Variants in COX10 observed in about 807,000 individuals in gnomAD.
The protein encoded by COX10 is cytochrome c oxidase assembly factor heme A:farnesyltransferase COX10.
COX10 carries 27 observed loss-of-function variants against 37.3 expected under a neutral mutation model. The observed-to-expected ratio is 0.72, with a 90% CI of 0.53 to 1.00. The LOEUF (loss-of-function observed/expected upper bound fraction) is 1.00. COX10 is among the 50% of genes least tolerant of loss of function. The pLI is 0.00. For synonymous variants in COX10, 222 were observed against 229.1 expected (o/e 0.97, Z 0.28); for missense variants, 475 against 563.2 (o/e 0.84, Z 1.59).
Position 14,207,114 on chromosome 17 carries a change from GTTC to G in COX10, c.1238_1240del (p.Phe413del), listed in dbSNP as rs1228955267. 7.4e-6 allele frequency: 12 copies of G among 1,613,306 alleles called. No individual in the cohort carries two copies. The highest frequency in any genetic ancestry group is 4.0e-5 in the African/African-American group (3 of 75,050). ...CAGACCGCAGGAGCTCGCGGAGACTGTTCTTCTGCAGCCTGTGGCACCTGCCGC... is the reference window on the plus strand; with the variant it reads ...CAGACCGCAGGAGCTCGCGGAGACTGTTCTGCAGCCTGTGGCACCTGCCGC... On this transcript the variant is annotated inframe_deletion, in exon 7 of 7. Transcript: ENST00000261643.
intron 4 of COX10, among the ~76,000 whole-genome samples, chr17:14,121,493 C>T (rs574228038): frequency 8.5e-5 from 13 of 152,226 alleles, no homozygotes; most frequent in Admixed American, 5.2e-4. Flanking sequence ...CTGTATACCA[C>T]GATGGCTAGG....
chr17:14,121,171 T>G (rs976928105), intron 4 of COX10, among the ~76,000 whole-genome samples: 1 of 152,224 alleles, frequency 6.6e-6, no homozygotes, highest in African/African-American at 2.4e-5. Context: ...ATATCTTGTC[T>G]GCCTCAGCCA....
At chr17:14,150,732 G>A (rs1054075812) in intron 4 of COX10, among the ~76,000 whole-genome samples, 2 of 152,170 alleles carry the variant, frequency 1.3e-5, no homozygotes, top group African/African-American at 4.8e-5. Flanking sequence ...CAGGAGCAGT[G>A]TAAGGTACTG....
chr17:14,123,587 A>C (rs539149269), intron 4 of COX10, among the ~76,000 whole-genome samples: 18 of 152,344 alleles, frequency 1.2e-4, no homozygotes, highest in Admixed American at 5.2e-4. Flanking sequence ...TAAAATTAGG[A>C]AGGCAGTTTG....
intron 5 of COX10, among the ~76,000 whole-genome samples, chr17:14,189,833 T>C (rs1408642948): frequency 6.6e-6 from 1 of 152,116 alleles, no homozygotes; most frequent in African/African-American, 2.4e-5. Flanking sequence ...AGGCAAGGAA[T>C]GTGTGTGGTC....
intron 3 of COX10, among the ~76,000 whole-genome samples, chr17:14,096,364 GTTTTTTTTTTTTTCTT>G (rs1410806452): frequency 7.8e-6 from 1 of 128,708 alleles, no homozygotes; most frequent in Non-Finnish European, 1.6e-5. Flanking sequence ...ATGTAGGTGT[GTTTTTTTTTTTTTCTT>G]TTTTTTTTTT....
rs1264753255 is a variant in COX10, at chr17:14,077,016, G to T, written c.459G>T (p.Leu153Phe). The T allele has an allele frequency of 1.2e-6, 2 of 1,613,998 alleles. No homozygotes were observed. Among genetic ancestry groups the T allele is most frequent in the African/African-American group, 2.7e-5 (2 of 74,916 alleles). The change falls in exon 3 of 7, where the codon TTG becomes TTT. Residue 153 changes from leucine (L) to phenylalanine (F), a missense_variant. This residue lies in a region of COX10 where 242 missense variants were observed against 242.5 expected (regional missense o/e 1.00). Coordinates refer to ENST00000261643, the MANE Select transcript of COX10 (RefSeq NM_001303.4). ...WKEMKLQVYDLPGILARLSKI... is the reference protein window; with the variant it reads ...WKEMKLQVYDFPGILARLSKI... ...AGATGAAGCTGCAAGTGTATGATTTGCCAGGAATTTTGGCTCGACTATCCA... is the reference window on the plus strand; with the variant it reads ...AGATGAAGCTGCAAGTGTATGATTTTCCAGGAATTTTGGCTCGACTATCCA...
chr17:14,072,936 T>C (rs1915058211), intron 1 of COX10, among the ~76,000 whole-genome samples: 1 of 152,174 alleles, frequency 6.6e-6, no homozygotes, highest in African/African-American at 2.4e-5. Context: ...ACAATTTGCA[T>C]GAAGAAGTGT....
At chr17:14,149,159 A>T (rs1904819079) in intron 4 of COX10, among the ~76,000 whole-genome samples, 1 of 151,662 alleles carries the variant, frequency 6.6e-6, no homozygotes, top group Non-Finnish European at 1.5e-5. Context: ...GTATGAGGAG[A>T]AAAAGAAAGA....
chr17:14,208,616 C>G lies in COX10; in HGVS notation c.*1403C>G, dbSNP rs576768523. The G allele has an allele frequency of 6.6e-6, 1 of 152,286 alleles. No individual in the cohort carries two copies. Among genetic ancestry groups the G allele is most frequent in the East Asian group, 1.9e-4 (1 of 5,176 alleles). 9.4% of individuals were successfully genotyped at this position (152,286 alleles called of 1,614,324 possible). On this transcript the variant is annotated 3_prime_UTR_variant, in exon 7 of 7. Coordinates refer to ENST00000261643, the MANE Select transcript of COX10 (RefSeq NM_001303.4). ...AAAAAGCCTCTACAACTTGTTACAG[C>G]CTTCACATTTGTACAATTCATTGAT...
intron 1 of COX10, among the ~76,000 whole-genome samples, chr17:14,073,455 A>C (rs1412203401): frequency 1.3e-5 from 2 of 152,210 alleles, no homozygotes; most frequent in African/African-American, 4.8e-5. Flanking sequence ...TCTTAAAGAC[A>C]TTTTGCAATC....
At chr17:14,072,791 GGTGTGCTGT>G (rs1013027613) in intron 1 of COX10, among the ~76,000 whole-genome samples, 1 of 152,142 alleles carries the variant, frequency 6.6e-6, no homozygotes, top group Non-Finnish European at 1.5e-5. Context: ...CCATAGTCCA[GGTGTGCTGT>G]GTGGGCTATC....
chr17:14,127,830 T>C (rs1378971330), intron 4 of COX10, among the ~76,000 whole-genome samples: 3 of 152,144 alleles, frequency 2.0e-5, no homozygotes, highest in Non-Finnish European at 4.4e-5. Flanking sequence ...AAAATAGTAC[T>C]TGGCCACATC....
intron 5 of COX10, among the ~76,000 whole-genome samples, chr17:14,171,286 G>A (rs780073949): frequency 3.9e-5 from 6 of 152,198 alleles, no homozygotes; most frequent in Admixed American, 6.5e-5. Flanking sequence ...TTGGAATCAC[G>A]TCGAGGAGAT....
intron 6 of COX10, among the ~76,000 whole-genome samples, chr17:14,201,686 T>C (rs1225095985): frequency 6.6e-6 from 1 of 152,216 alleles, no homozygotes; most frequent in African/African-American, 2.4e-5. Flanking sequence ...GACACTGAGC[T>C]CTGAATGATC....
intron 5 of COX10, among the ~76,000 whole-genome samples, chr17:14,175,789 G>A (rs1905669908): frequency 6.6e-6 from 1 of 151,408 alleles, no homozygotes; most frequent in East Asian, 2.0e-4. Flanking sequence ...AAGGCACTGG[G>A]AGGGAGTGGA....
At chr17:14,166,785 C>CTTTTTTTTTTTTTTTTTTT (rs57127092) in intron 5 of COX10, among the ~76,000 whole-genome samples, 3 of 100,260 alleles carry the variant, frequency 3.0e-5, no homozygotes, top group Non-Finnish European at 3.8e-5. Flanking sequence ...CTATTTCTTT[C>CTTTTTTTTTTTTTTTTTTT]TTTTTTTTTT....
At chr17:14,097,960 T>C (rs919524944) in intron 3 of COX10, among the ~76,000 whole-genome samples, 2 of 152,116 alleles carry the variant, frequency 1.3e-5, no homozygotes, top group Admixed American at 1.3e-4. Context: ...GTTTACAGAA[T>C]AATGACAGGA....
intron 3 of COX10, among the ~76,000 whole-genome samples, chr17:14,090,885 G>T (rs1915513092): frequency 6.6e-6 from 1 of 152,154 alleles, no homozygotes; most frequent in African/African-American, 2.4e-5. Context: ...CATCTGTCTT[G>T]TTGACTATTA....
Sources: gnomAD v4.1 joint callset for allele counts (sites outside exome capture counted in the v4.1 genomes callset) on GRCh38, gnomAD v4.1.1 for gene constraint, gnomAD v4.1.1 regional missense constraint, MANE v1.5 for transcripts, NCBI Gene and HGNC (gene_info 2026-07-23, HGNC 2026-07-21) for gene names.